CTNNA3: variants seen among roughly 807,000 people sequenced by gnomAD.
CTNNA3 encodes catenin alpha-3.
Under a neutral mutation model 95.7 loss-of-function variants are expected in CTNNA3, and 76 were observed. The ratio of observed to expected loss-of-function variants is 0.79; its 90% confidence interval spans 0.66 to 0.96. The LOEUF (loss-of-function observed/expected upper bound fraction) is 0.96. Among genes scored for constraint, CTNNA3 ranks in the 40% least tolerant of loss-of-function variants. The probability of loss-of-function intolerance (pLI) is 0.00; values close to 1 mark genes in which losing one functional copy is unlikely to be tolerated. For synonymous variants in CTNNA3, 431 were observed against 374.4 expected (o/e 1.15, Z -1.74); for missense variants, 1,191 against 1,089.8 (o/e 1.09, Z -1.31).
chr10:66,699,080 T>C (rs937971534), intron 9 of CTNNA3, among the ~76,000 whole-genome samples: 1 of 152,200 alleles, frequency 6.6e-6, no homozygotes, highest in Admixed American at 6.5e-5. Context: ...CAATCACATC[T>C]GTATTTCATA....
intron 6 of CTNNA3, among the ~76,000 whole-genome samples, chr10:67,217,898 G>A (rs1171613688): frequency 2.0e-5 from 3 of 151,976 alleles, no homozygotes. Context: ...ATGGCACTAG[G>A]GAAAAATTCA....
chr10:66,757,219 C>T (rs977711643), intron 9 of CTNNA3, among the ~76,000 whole-genome samples: 31 of 152,098 alleles, frequency 2.0e-4, no homozygotes, highest in African/African-American at 6.5e-4. Context: ...CTACTGTAAG[C>T]ATTTGAATTT....
At chr10:66,290,549 G>T (rs533591191) in intron 12 of CTNNA3, among the ~76,000 whole-genome samples, 1 of 152,080 alleles carries the variant, frequency 6.6e-6, no homozygotes, top group East Asian at 1.9e-4. Flanking sequence ...TATGTTATTG[G>T]TTATTAAATA....
intron 7 of CTNNA3, among the ~76,000 whole-genome samples, chr10:66,823,313 A>G (rs942370034): frequency 3.3e-5 from 5 of 152,232 alleles, no homozygotes; most frequent in Admixed American, 2.0e-4. Flanking sequence ...ATTCCATGTC[A>G]TCACCAAGAC....
At chr10:66,865,586 T>C (rs561390389) in intron 7 of CTNNA3, among the ~76,000 whole-genome samples, 1 of 152,136 alleles carries the variant, frequency 6.6e-6, no homozygotes, top group South Asian at 2.1e-4. Context: ...TGGCACAATT[T>C]ATGTAATCAA....
At chr10:67,740,071 T>C (rs1422591430) in intron 1 of CTNNA3, among the ~76,000 whole-genome samples, 1 of 152,184 alleles carries the variant, frequency 6.6e-6, no homozygotes, top group African/African-American at 2.4e-5. Context: ...GATTCCCTAT[T>C]TAATAAATGG....
chr10:67,072,889 C>CCTTTTAGAAGCTTTTAGCCTAGT (rs970319031), intron 7 of CTNNA3, among the ~76,000 whole-genome samples: 2 of 152,274 alleles, frequency 1.3e-5, no homozygotes, highest in African/African-American at 4.8e-5. Flanking sequence ...GGAAGCTCTG[C>CCTTTTAGAAGCTTTTAGCCTAGT]CTTTGGCTTC....
At chr10:67,299,339 C>A (rs1840172845) in intron 5 of CTNNA3, among the ~76,000 whole-genome samples, 1 of 152,010 alleles carries the variant, frequency 6.6e-6, no homozygotes, top group Non-Finnish European at 1.5e-5. Context: ...CTAATTATAT[C>A]TATTCTCATT....
At chr10:66,999,853 T>C (rs1472770618) in intron 7 of CTNNA3, among the ~76,000 whole-genome samples, 1 of 152,208 alleles carries the variant, frequency 6.6e-6, no homozygotes, top group Non-Finnish European at 1.5e-5. Context: ...TCCTAAAATG[T>C]TTTCCTAATA....
chr10:67,161,844 T>A (rs1204831414), intron 7 of CTNNA3, among the ~76,000 whole-genome samples: 1 of 152,028 alleles, frequency 6.6e-6, no homozygotes, highest in Non-Finnish European at 1.5e-5. Context: ...TGGAAAAAGA[T>A]AAACCATGCA....
intron 7 of CTNNA3, among the ~76,000 whole-genome samples, chr10:67,175,463 A>G (rs1862198456): frequency 6.6e-6 from 1 of 152,162 alleles, no homozygotes; most frequent in Admixed American, 6.5e-5. Flanking sequence ...ACACACAATA[A>G]AACAGGTTTC....
chr10:66,420,990 T>C (rs2093188739), intron 11 of CTNNA3, among the ~76,000 whole-genome samples: 1 of 152,042 alleles, frequency 6.6e-6, no homozygotes, highest in Admixed American at 6.6e-5. Context: ...CTATTGATAA[T>C]AGCAAAGATA....
chr10:66,221,421 A>G (rs987507098), intron 13 of CTNNA3, among the ~76,000 whole-genome samples: 2 of 152,220 alleles, frequency 1.3e-5, no homozygotes, highest in Non-Finnish European at 2.9e-5. Context: ...AACTCAGATC[A>G]ATTCTGGATG....
chr10:66,446,466 T>C lies in CTNNA3; in HGVS notation c.1532-67114A>G, dbSNP rs372522239. On this transcript the variant is annotated intron_variant, in intron 11 of 17. Transcript: ENST00000433211. ...CCGAATCCAGCAGCACATCAAAAAGTTTATCCACCATGATCAAGTGGGCTT... is the reference window on the plus strand; with the variant it reads ...CCGAATCCAGCAGCACATCAAAAAGCTTATCCACCATGATCAAGTGGGCTT... Among the ~76,000 whole-genome samples the C allele has an allele frequency of 2.5e-3, 377 of 151,580 alleles. 4 individuals are homozygous for C. Among genetic ancestry groups the C allele is most frequent in the African/African-American group, 8.7e-3 (357 of 41,044 alleles).
intron 7 of CTNNA3, among the ~76,000 whole-genome samples, chr10:67,121,981 CAAAAAAAAAAAA>C (rs370358378): frequency 3.2e-4 from 15 of 47,144 alleles, no homozygotes; most frequent in Middle Eastern, 0.025. Context: ...TTATTCTGAG[CAAAAAAAAAAAA>C]AAAAAAAAAA....
chr10:66,685,297 G>A (rs1349902255), intron 9 of CTNNA3, among the ~76,000 whole-genome samples: 4,476 of 71,578 alleles, frequency 0.063, 285 homozygotes, highest in African/African-American at 0.12. Flanking sequence ...ATATATATGT[G>A]TGTATATATA....
intron 5 of CTNNA3, among the ~76,000 whole-genome samples, chr10:67,422,661 A>G (rs1474843883): frequency 6.6e-6 from 1 of 152,098 alleles, no homozygotes; most frequent in Non-Finnish European, 1.5e-5. Context: ...ATGGCTAAAC[A>G]TGTGGGCACA....
intron 3 of CTNNA3, among the ~76,000 whole-genome samples, chr10:67,599,037 G>T (rs1219319746): frequency 6.6e-6 from 1 of 152,174 alleles, no homozygotes; most frequent in East Asian, 1.9e-4. Context: ...TTTGAATCCT[G>T]CAAGTTAGAT....
intron 11 of CTNNA3, among the ~76,000 whole-genome samples, chr10:66,390,029 C>T (rs1221540549): frequency 2.0e-5 from 3 of 152,272 alleles, no homozygotes; most frequent in South Asian, 2.1e-4. Flanking sequence ...AGCCCCTGCA[C>T]CTGGCCAGTT....
Sources: gnomAD v4.1 joint callset for allele counts (sites outside exome capture counted in the v4.1 genomes callset) on GRCh38, gnomAD v4.1.1 for gene constraint, MANE v1.5 for transcripts, NCBI Gene and HGNC (gene_info 2026-07-23, HGNC 2026-07-21) for gene names.